SENP6: variants seen among roughly 807,000 people sequenced by gnomAD.
The protein encoded by SENP6 is sentrin-specific protease 6.
SENP6 carries 41 observed loss-of-function variants against 134.5 expected under a neutral mutation model. The ratio of observed to expected loss-of-function variants is 0.30; its 90% CI spans 0.24 to 0.40. The LOEUF (loss-of-function observed/expected upper bound fraction) is 0.40. Among genes scored for constraint, SENP6 ranks in the 10% least tolerant of loss-of-function variants. The pLI, the probability that SENP6 is intolerant of heterozygous loss-of-function variation, is 1.00. For missense variants in SENP6, 1,248 were observed against 1,312.5 expected, an observed-to-expected ratio of 0.95 and a Z score of 0.76; for synonymous variants, 395 against 429.8, an observed-to-expected ratio of 0.92 and a Z score of 1.00.
intron 1 of SENP6, among the ~76,000 whole-genome samples, chr6:75,614,815 G>C (rs1237820968): frequency 6.6e-6 from 1 of 152,172 alleles, no homozygotes; most frequent in African/African-American, 2.4e-5. Flanking sequence ...TTAGATGTTT[G>C]CTGAAGGTTT....
At chr6:75,639,390 A>T (rs518969) in intron 5 of SENP6, among the ~76,000 whole-genome samples, 14 of 151,762 alleles carry the variant, frequency 9.2e-5, no homozygotes, top group Non-Finnish European at 1.2e-4. Flanking sequence ...AATTTTTTTT[A>T]AATTTGTATA....
In SENP6 at chr6:75,663,464, A is replaced by G; in HGVS notation, c.940A>G (p.Lys314Glu). The G allele has an allele frequency of 6.2e-7, 1 of 1,612,986 alleles. No homozygotes were observed. Among genetic ancestry groups the G allele is most frequent in the Non-Finnish European group, 8.5e-7 (1 of 1,179,732 alleles). ...KVILPGAKIP[K>E]ITNLKERKTS... ...CATTTTACCTGGGGCAAAAATACCCAAAATCACAAACTTGAAAGAAAGGAA... is the reference window on the plus strand; with the variant it reads ...CATTTTACCTGGGGCAAAAATACCCGAAATCACAAACTTGAAAGAAAGGAA... Residue 314 changes from lysine (K) to glutamate (E), a missense_variant, in exon 9 of 24, where the codon AAA (lysine) becomes GAA (glutamate). Physicochemically the swap from Lys to Glu is moderately conservative, Grantham distance 56. Transcript: ENST00000447266.
intron 16 of SENP6, chr6:75,679,189 G>T (rs1227586542): frequency 1.7e-5 from 5 of 290,212 alleles, no homozygotes; most frequent in Non-Finnish European, 2.5e-5. Flanking sequence ...CAAGGTGGGA[G>T]GATCGCTTGA....
At chr6:75,676,905 T>C (rs887427267) in intron 13 of SENP6, 125 bp from the exon 14 acceptor site, 7 of 601,406 alleles carry the variant, frequency 1.2e-5, no homozygotes, top group African/African-American at 1.1e-4. Context: ...TGTCAGACAT[T>C]GTTGTGGACC....
chr6:75,682,980 C>G (rs1197847212), intron 16 of SENP6, among the ~76,000 whole-genome samples: 1 of 152,224 alleles, frequency 6.6e-6, no homozygotes, highest in Non-Finnish European at 1.5e-5. Flanking sequence ...GGAATCGCCA[C>G]ACTGTCTTCC....
Position 75,711,372 on chromosome 6 carries a change from T to C in SENP6, c.2865T>C (p.Ser955=). 1.2e-6 allele frequency: 2 copies of C among 1,613,508 alleles called. No individual in the cohort carries two copies. Among genetic ancestry groups the C allele is most frequent in the South Asian group, 1.1e-5 (1 of 90,954 alleles). The part of the protein sequence containing the change: ...DDGFLADDNC[S]SEIGQWHLKP... ...GATTCCTCGCTGATGACAACTGCAG[T>C]TCAGAAATAGGACAGTGGCATTTAA... The change falls in exon 21 of 24, where the codon AGT becomes AGC. Residue 955 remains serine, a synonymous_variant. Transcript: ENST00000447266.
At chr6:75,622,680 C>A in intron 2 of SENP6, 1 of 743,168 alleles carries the variant, frequency 1.3e-6, no homozygotes, top group Non-Finnish European at 2.0e-6. Flanking sequence ...AAAGTTCTAC[C>A]AAAACTATAA....
intron 1 of SENP6, among the ~76,000 whole-genome samples, chr6:75,620,379 G>A (rs892902940): frequency 6.6e-6 from 1 of 152,094 alleles, no homozygotes; most frequent in Non-Finnish European, 1.5e-5. Flanking sequence ...CAGAATTCTG[G>A]AAGCTGGGAA....
At chr6:75,645,341 TGTG>T (rs1196857921) in intron 6 of SENP6, among the ~76,000 whole-genome samples, 4 of 152,224 alleles carry the variant, frequency 2.6e-5, no homozygotes, top group East Asian at 1.9e-4. Flanking sequence ...GCTGGCCAGG[TGTG>T]GTGGTTTATG....
chr6:75,675,062 A>G (rs1772980194), intron 11 of SENP6, among the ~76,000 whole-genome samples: 1 of 152,228 alleles, frequency 6.6e-6, no homozygotes, highest in African/African-American at 2.4e-5. Flanking sequence ...AACCACCAGT[A>G]ATAAGTAATT....
intron 6 of SENP6, 46 bp from the exon 7 acceptor site, chr6:75,647,685 A>G (rs1770560134): frequency 1.5e-6 from 2 of 1,350,834 alleles, no homozygotes; most frequent in African/African-American, 2.9e-5. Context: ...TCATTTTGAA[A>G]ACTGTATTTC....
At chr6:75,687,965 G>A (rs556157609) in intron 16 of SENP6, among the ~76,000 whole-genome samples, 14 of 152,360 alleles carry the variant, frequency 9.2e-5, no homozygotes, top group African/African-American at 3.4e-4. Flanking sequence ...GTCTGCAGTT[G>A]TCTGCTGCCT....
rs1287964846 is a variant in SENP6 at position 75,678,910 on chromosome 6, T to C, written c.2058T>C (p.Ile686=). ...LNEGEFLNDV[I]IDFYLKYLVL... is the part of the protein sequence containing the mutation. ...AAGGAGAATTTTTAAATGATGTTAT[T>C]ATAGACTTTTATTTGAAGTAAGTTA... The change falls in exon 16 of 24, where the codon ATT becomes ATC. Residue 686 remains isoleucine, a synonymous_variant. Coordinates refer to ENST00000447266, the MANE Select transcript of SENP6 (RefSeq NM_015571.4). 3 of 1,476,456 alleles carry C rather than the reference T, an allele frequency of 2.0e-6. No homozygotes were observed. In the East Asian group the frequency reaches 6.8e-5, roughly 34 times the overall value. 91.5% of individuals were successfully genotyped at this position (1,476,456 alleles called of 1,614,324 possible). A position where few individuals can be genotyped will look rare whatever the true frequency, so the allele number is the denominator to read the frequency against.
chr6:75,679,171 T>C (rs1157391959), intron 16 of SENP6: 16 of 320,928 alleles, frequency 5.0e-5, no homozygotes, highest in African/African-American at 3.6e-4. Context: ...CCTGACACTT[T>C]GGGAGGTCAA....
chr6:75,678,843 G>A lies in SENP6; in HGVS notation c.1991G>A (p.Gly664Glu). The A allele has an allele frequency of 6.2e-7, 1 of 1,608,674 alleles. No homozygotes were observed. Among genetic ancestry groups the A allele is most frequent in the Non-Finnish European group, 8.5e-7 (1 of 1,175,998 alleles). Residue 664 changes from glycine to glutamate, a missense_variant, in exon 16 of 24, where the codon GGA becomes GAA. Physicochemically the swap from Gly to Glu is moderately conservative, Grantham distance 98 (BLOSUM62 -2). Coordinates refer to ENST00000447266, the MANE Select transcript of SENP6 (RefSeq NM_015571.4). ...LIVYPPPPAK[G>E]GISVTNEDLH... ...GTATATCCACCACCTCCAGCTAAGGGAGGCATCTCTGTTACCAATGAGGAC... is the reference window on the plus strand; with the variant it reads ...GTATATCCACCACCTCCAGCTAAGGAAGGCATCTCTGTTACCAATGAGGAC...
At chr6:75,669,605 C>T (rs189073361) in intron 10 of SENP6, among the ~76,000 whole-genome samples, 34 of 152,146 alleles carry the variant, frequency 2.2e-4, no homozygotes, top group African/African-American at 7.9e-4. Context: ...ATTAAAATTA[C>T]ATACCTATAT....
chr6:75,685,870 T>C (rs1582857114), intron 16 of SENP6, among the ~76,000 whole-genome samples: 1 of 152,238 alleles, frequency 6.6e-6, no homozygotes, highest in Non-Finnish European at 1.5e-5. Flanking sequence ...ATGTATATTC[T>C]GTTGATTTGG....
At chr6:75,640,456 T>C (rs537422300) in intron 5 of SENP6, among the ~76,000 whole-genome samples, 2 of 146,262 alleles carry the variant, frequency 1.4e-5, no homozygotes, top group East Asian at 2.1e-4. Flanking sequence ...AAGATTTTTT[T>C]ATATTTTTGT....
intron 16 of SENP6, among the ~76,000 whole-genome samples, chr6:75,691,350 G>T (rs1338871802): frequency 1.3e-5 from 2 of 151,802 alleles, no homozygotes; most frequent in African/African-American, 4.8e-5. Context: ...TTCCTGTGTT[G>T]CCCAGGCTAT....
Sources: gnomAD v4.1 joint callset for allele counts (sites outside exome capture counted in the v4.1 genomes callset) on GRCh38, gnomAD v4.1.1 for gene constraint, MANE v1.5 for transcripts, NCBI Gene and HGNC (gene_info 2026-07-23, HGNC 2026-07-21) for gene names.